WDR3: variants seen among roughly 807,000 people sequenced by gnomAD.
The protein encoded by WDR3 is WD repeat domain 3.
A neutral mutation model predicts 123.7 loss-of-function variants in WDR3; 81 were observed. The ratio of observed to expected loss-of-function variants is 0.65; its 90% confidence interval spans 0.55 to 0.79. The LOEUF (loss-of-function observed/expected upper bound fraction) is 0.79, where lower values mean the gene tolerates loss of function less well. Among genes scored for constraint, WDR3 ranks in the 30% least tolerant of loss-of-function variants. The pLI, the probability that WDR3 is intolerant of heterozygous loss-of-function variation, is 0.00. For missense variants in WDR3, 1,027 were observed against 1,123.2 expected (o/e 0.91, Z 1.22); for synonymous variants, 390 against 388.8 (o/e 1.00, Z -0.04).
At chr1:117,950,260 TCAAAG>T in intron 15 of WDR3, 130 bp downstream of exon 15, 1 of 1,136,824 alleles carries the variant, frequency 8.8e-7, no homozygotes, top group African/African-American at 1.6e-5. Flanking sequence ...TGTGTGTGAA[TCAAAG>T]CAATGTAACT....
Position 117,946,158 on chromosome 1 carries a change from A to G in WDR3, c.1401A>G (p.Arg467=), listed in dbSNP as rs547253412. Residue 467 remains arginine, a synonymous_variant, in exon 12 of 27, where the codon AGA becomes AGG. Coordinates refer to ENST00000349139, the MANE Select transcript of WDR3 (RefSeq NM_006784.3). The stretch of plus-strand genomic sequence containing the variant: ...GCTCATTCTTTGTACCTGGTGATAG[A>G]CAGGTAGTCATAGGAACAAAGGTAA... The part of the protein sequence containing the change: ...ALCSFFVPGD[R]QVVIGTKTGK... 96 of 1,611,702 alleles carry G rather than the reference A, an allele frequency of 6.0e-5. No homozygotes were observed. In the South Asian group the frequency reaches 9.9e-4, roughly 17 times the overall value.
chr1:117,953,958 G>T, intron 21 of WDR3, 49 bp from the exon 22 acceptor site: 2 of 1,496,358 alleles, frequency 1.3e-6, no homozygotes, highest in Non-Finnish European at 1.8e-6. Flanking sequence ...AGTGTCCTGG[G>T]ATGATGGAGT....
intron 16 of WDR3, 38 bp from the exon 17 acceptor site, chr1:117,951,938 C>G: frequency 6.4e-7 from 1 of 1,569,282 alleles, no homozygotes; most frequent in Non-Finnish European, 8.7e-7. Flanking sequence ...ATACGGAATT[C>G]AAAAATCAAG....
intron 6 of WDR3, among the ~76,000 whole-genome samples, chr1:117,940,072 T>A (rs1238629545): frequency 6.6e-6 from 1 of 152,236 alleles, no homozygotes; most frequent in Non-Finnish European, 1.5e-5. Context: ...AGGGGTTATC[T>A]TTTCTTTATT....
At position 117,934,545 on chromosome 1, in the gene WDR3, G is replaced by C. The variant is rs753214958; in HGVS notation, c.244G>C (p.Val82Leu). ...CTCCCCAGATGGGCTACACTTAGCT[G>C]TTGGGTATGAGGATGGGTCGATCCG... ...CPSPDGLHLA[V>L]GYEDGSIRIF... Residue 82 changes from valine to leucine, a missense_variant, in exon 3 of 27, where the codon GTT (valine) becomes CTT (leucine). Transcript: ENST00000349139. 3.7e-6 allele frequency: 6 copies of C among 1,614,196 alleles called. No individual in the cohort carries two copies. Among genetic ancestry groups the C allele is most frequent in the Non-Finnish European group, 5.1e-6 (6 of 1,180,006 alleles).
In WDR3 at chr1:117,941,125, G is replaced by A. The variant is rs200734934; in HGVS notation, c.791G>A (p.Arg264Gln). 46 of 1,613,880 alleles carry A rather than the reference G, an allele frequency of 2.9e-5. No homozygotes were observed. Among genetic ancestry groups the A allele is most frequent in the South Asian group, 2.1e-4 (19 of 91,046 alleles). Residue 264 changes from arginine (R) to glutamine (Q), a missense_variant and splice_region_variant, in exon 8 of 27, where the codon CGA becomes CAA. Physicochemically the swap from Arg to Gln is conservative, Grantham distance 43. Transcript: ENST00000349139. Reference sequence around the variant, plus strand: ...CATCTGCTCTTGCTTCTTCTGTAGCGAATCCTTTCATGCAGAAAAGCTGGT... The same window carrying A: ...CATCTGCTCTTGCTTCTTCTGTAGCAAATCCTTTCATGCAGAAAAGCTGGT... ...AFETDEAPED[R>Q]ILSCRKAGSI...
intron 14 of WDR3, 74 bp from the exon 15 acceptor site, chr1:117,949,921 G>A (rs1477269488): frequency 1.2e-6 from 2 of 1,609,782 alleles, no homozygotes; most frequent in African/African-American, 2.7e-5. Flanking sequence ...ATCATTTGTT[G>A]TGCTCTAAAG....
intron 13 of WDR3, among the ~76,000 whole-genome samples, chr1:117,949,184 A>G (rs962120203): frequency 4.6e-5 from 7 of 152,138 alleles, no homozygotes. Flanking sequence ...AGAGTGTTCT[A>G]TCTTTTCCAT....
In WDR3 at chr1:117,964,226, A is replaced by C; in HGVS notation, c.*4779A>C. On this transcript the variant is annotated 3_prime_UTR_variant, in exon 27 of 27. Coordinates refer to ENST00000349139, the MANE Select transcript of WDR3 (RefSeq NM_006784.3). ...TCAAGCCCCAAACCATATCTACATC[A>C]GATTTCATGCTTTTTTTTTTTTTTT... The C allele has an allele frequency of 4.8e-6, 1 of 207,966 alleles. No homozygotes were observed. The highest frequency in any genetic ancestry group is 9.5e-6 in the Non-Finnish European group (1 of 105,374). 12.9% of individuals were successfully genotyped at this position (207,966 alleles called of 1,614,324 possible).
At chr1:117,950,765 A>T in intron 15 of WDR3, 69 bp from the exon 16 acceptor site, 1 of 1,289,476 alleles carries the variant, frequency 7.8e-7, no homozygotes. Context: ...GTTATATTTT[A>T]GACCTACATG....
intron 12 of WDR3, among the ~76,000 whole-genome samples, chr1:117,947,283 C>T (rs575913265): frequency 6.6e-6 from 1 of 152,244 alleles, no homozygotes; most frequent in South Asian, 2.1e-4. Context: ...GGAACAAGGT[C>T]TATGGAGTGT....
rs1651890463 is a variant in WDR3 at position 117,954,603 on chromosome 1, C to G, written c.2385C>G (p.Ile795Met). The change falls in exon 23 of 27, where the codon ATC becomes ATG. Residue 795 changes from isoleucine to methionine, a missense_variant. Ile to Met is a conservative substitution (Grantham distance 10). Coordinates refer to ENST00000349139, the MANE Select transcript of WDR3 (RefSeq NM_006784.3). ...GKEVPLPSNP[I>M]LMAYGSISPS... ...AGGTTCCACTTCCCAGCAACCCCAT[C>G]CTAATGGCTTATGGCAGTATCTCAG... The G allele has an allele frequency of 6.2e-7, 1 of 1,612,590 alleles. No individual in the cohort carries two copies. Among genetic ancestry groups the G allele is most frequent in the African/African-American group, 1.3e-5 (1 of 74,902 alleles).
rs754835598 is a variant in WDR3 at position 117,933,348 on chromosome 1, A to G, written c.29A>G (p.Tyr10Cys). The change falls in exon 2 of 27, where the codon TAT (tyrosine) becomes TGT (cysteine). Residue 10 changes from tyrosine to cysteine, a missense_variant. Physicochemically the swap from Tyr to Cys is radical, Grantham distance 194. Coordinates refer to ENST00000349139, the MANE Select transcript of WDR3 (RefSeq NM_006784.3). Reference sequence around the variant, plus strand: ...GGGCTCACCAAGCAGTACCTACGCTATGTTGCTAGTGCGGTCTTTGGCGTT... The same window carrying G: ...GGGCTCACCAAGCAGTACCTACGCTGTGTTGCTAGTGCGGTCTTTGGCGTT... MGLTKQYLRYVASAVFGVIG... is the reference protein window; with the variant it reads MGLTKQYLRCVASAVFGVIG... The G allele has an allele frequency of 1.4e-5, 23 of 1,614,062 alleles. 1 individual carries two copies. In the Admixed American group the frequency reaches 1.8e-4, roughly 13 times the overall value.
chr1:117,936,618 G>A, intron 3 of WDR3, 151 bp from the exon 4 acceptor site: 1 of 486,728 alleles, frequency 2.1e-6, no homozygotes, highest in African/African-American at 2.0e-5. Context: ...AATAAGGCTG[G>A]TGTTTATTCC....
intron 11 of WDR3, among the ~76,000 whole-genome samples, chr1:117,944,938 C>G (rs1651315343): frequency 6.6e-6 from 1 of 152,254 alleles, no homozygotes; most frequent in East Asian, 1.9e-4. Context: ...AGTGATCCAC[C>G]CATCTCGGTC....
rs114779328 is a variant in WDR3, at chr1:117,938,728, A to G, written c.579+170A>G. ...TGATGGAAGCAATGCCAGCCATTGG[A>G]GCAGATACTGCTGCTCTGACATGTA... On this transcript the variant is annotated intron_variant, in intron 5 of 26. Transcript: ENST00000349139. Among the ~76,000 whole-genome samples the G allele has an allele frequency of 6.1e-3, 928 of 152,282 alleles. 3 individuals are homozygous for G. Among genetic ancestry groups the G allele is most frequent in the Middle Eastern group, 0.014 (4 of 294 alleles).
At chr1:117,942,324 C>A in intron 9 of WDR3, 113 bp from the exon 10 acceptor site, 1 of 839,912 alleles carries the variant, frequency 1.2e-6, no homozygotes, top group Non-Finnish European at 2.0e-6. Flanking sequence ...GGTTAAGTGA[C>A]TTTTCCAGAA....
In WDR3 at chr1:117,941,291, A is replaced by G. The variant is rs1651163127; in HGVS notation, c.891+66A>G. On this transcript the variant is annotated intron_variant, in intron 8 of 26. Coordinates refer to ENST00000349139, the MANE Select transcript of WDR3 (RefSeq NM_006784.3). Reference sequence around the variant, plus strand: ...GTTCCTTCCAAACACTCATTCTTTCATATTCAATGTAAAGATGACTTTTTC... The same window carrying G: ...GTTCCTTCCAAACACTCATTCTTTCGTATTCAATGTAAAGATGACTTTTTC... 2.0e-6 allele frequency: 3 copies of G among 1,490,620 alleles called. No homozygotes were observed. In the East Asian group the frequency reaches 6.8e-5, roughly 34 times the overall value. 92.3% of individuals were successfully genotyped at this position (1,490,620 alleles called of 1,614,324 possible). A position where few individuals can be genotyped will look rare whatever the true frequency, so the allele number is the denominator to read the frequency against.
chr1:117,930,112 G>A (rs1311594981), intron 1 of WDR3, among the ~76,000 whole-genome samples: 1 of 152,236 alleles, frequency 6.6e-6, no homozygotes, highest in Non-Finnish European at 1.5e-5. Context: ...GGAATGTGTG[G>A]CAGGTCTGTT....
Sources: gnomAD v4.1 joint callset for allele counts (sites outside exome capture counted in the v4.1 genomes callset) on GRCh38, gnomAD v4.1.1 for gene constraint, MANE v1.5 for transcripts, NCBI Gene and HGNC (gene_info 2026-07-23, HGNC 2026-07-21) for gene names.